TMC3: variants seen among roughly 807,000 people sequenced by gnomAD.
The protein encoded by TMC3 is transmembrane channel like 3.
A neutral mutation model predicts 110.6 loss-of-function variants in TMC3; 98 were observed. That is an observed-to-expected ratio of 0.89 (90% confidence interval 0.75 to 1.05). The LOEUF is 1.05. TMC3 is among the 50% of genes least tolerant of loss of function. TMC3 has a pLI of 0.00. For missense variants in TMC3, 1,319 were observed against 1,373.2 expected, an observed-to-expected ratio of 0.96 and a Z score of 0.62; for synonymous variants, 489 against 513.1, an observed-to-expected ratio of 0.95 and a Z score of 0.63.
At chr15:81,342,792 G>C (rs1231081836) in intron 15 of TMC3, 1 of 152,954 alleles carries the variant, frequency 6.5e-6, no homozygotes, top group Non-Finnish European at 1.5e-5. Flanking sequence ...GAGGCGCCAT[G>C]GGTGAACAGA....
intron 16 of TMC3, among the ~76,000 whole-genome samples, chr15:81,339,829 G>A (rs1217138805): frequency 6.6e-6 from 1 of 152,208 alleles, no homozygotes; most frequent in Non-Finnish European, 1.5e-5. Flanking sequence ...CTCAATTTAT[G>A]GAAAAATCTT....
chr15:81,373,777 G>A (rs62035337), intron 1 of TMC3, among the ~76,000 whole-genome samples: 88,955 of 152,012 alleles, frequency 0.59, 27,627 homozygotes, highest in Non-Finnish European at 0.71. Context: ...CTGACCTCCT[G>A]GTCAAGAAGC....
chr15:81,361,916 T>C (rs764222589), intron 4 of TMC3: 9 of 193,402 alleles, frequency 4.7e-5, no homozygotes, highest in East Asian at 1.3e-4. Context: ...TTCATCCTCA[T>C]AGGTTTTCAC....
intron 3 of TMC3, among the ~76,000 whole-genome samples, chr15:81,365,818 C>T (rs1243354870): frequency 6.6e-6 from 1 of 152,104 alleles, no homozygotes; most frequent in Non-Finnish European, 1.5e-5. Context: ...GAAAGACTTA[C>T]ATGTCCACGC....
intron 7 of TMC3, among the ~76,000 whole-genome samples, 155 bp from the exon 8 acceptor site, chr15:81,356,749 G>T (rs1379298424): frequency 1.3e-5 from 2 of 152,186 alleles, no homozygotes; most frequent in African/African-American, 4.8e-5. Flanking sequence ...GCACCGACTG[G>T]ATTTCTGCCC....
Position 81,358,461 on chromosome 15 carries a change from T to G in TMC3, c.541A>C (p.Thr181Pro), listed in dbSNP as rs1337831461. 6.2e-7 allele frequency: 1 copy of G among 1,613,510 alleles called. No homozygotes were observed. Residue 181 changes from threonine (T) to proline (P), a missense_variant, in exon 6 of 22, where the codon ACC becomes CCC. Thr to Pro is a conservative substitution (Grantham distance 38). Transcript: ENST00000359440. ...GACGAAACCTGCTCCTTGGGGATGG[T>G]CTTCCTGGCTGTGCTTCCAAAGGGC... ...GQPFGSTARK[T>P]IPKEQVSSAQ...
chr15:81,338,594 G>A (rs1893645885), intron 18 of TMC3, 61 bp downstream of exon 18: 1 of 1,584,282 alleles, frequency 6.3e-7, no homozygotes, highest in Admixed American at 1.9e-5. Context: ...TTGGAAAGCA[G>A]CGTTTTCTTG....
intron 3 of TMC3, among the ~76,000 whole-genome samples, chr15:81,363,677 A>G (rs931825933): frequency 1.3e-5 from 2 of 152,222 alleles, no homozygotes; most frequent in Admixed American, 6.5e-5. Context: ...GTAGCCAGAA[A>G]AGAAATTCTC....
intron 18 of TMC3, 79 bp downstream of exon 18, chr15:81,338,576 T>C: frequency 6.4e-7 from 1 of 1,564,436 alleles, no homozygotes; most frequent in South Asian, 1.2e-5. Context: ...ATAAATTTTA[T>C]GTAATTATTG....
chr15:81,353,781 G>T (rs1894001937), intron 9 of TMC3, among the ~76,000 whole-genome samples: 1 of 152,228 alleles, frequency 6.6e-6, no homozygotes, highest in African/African-American at 2.4e-5. Context: ...TGCAACATCT[G>T]ACTATTCCTT....
intron 3 of TMC3, among the ~76,000 whole-genome samples, chr15:81,366,352 AC>A (rs1249816593): frequency 1.3e-5 from 2 of 152,222 alleles, no homozygotes; most frequent in African/African-American, 2.4e-5. Flanking sequence ...AAAGGGGAGA[AC>A]AGCCAGTACA....
chr15:81,371,449 G>C (rs964594645), intron 2 of TMC3, among the ~76,000 whole-genome samples: 1 of 152,146 alleles, frequency 6.6e-6, no homozygotes, highest in Admixed American at 6.5e-5. Flanking sequence ...ATCTAGAAAA[G>C]GGCAGTGAAG....
chr15:81,338,669 T>G lies in TMC3; in HGVS notation c.2067A>C (p.Ala689=). Residue 689 remains alanine (A), a synonymous_variant, in exon 18 of 22, where the codon GCA becomes GCC. Coordinates refer to ENST00000359440, the MANE Select transcript of TMC3 (RefSeq NM_001080532.3). ...GTGGTACTCACAAAAGCAGGAGTAC[T>G]GCGGGCAGGATGACCACGGGGCTAC... ...HISSPVVILP[A]VLLLFMLIYY... is the part of the protein sequence containing the mutation. 1 of 1,613,980 alleles carries G rather than the reference T, an allele frequency of 6.2e-7. No individual in the cohort carries two copies.
chr15:81,369,787 G>A (rs918607481), intron 2 of TMC3, among the ~76,000 whole-genome samples: 2 of 152,110 alleles, frequency 1.3e-5, no homozygotes, highest in African/African-American at 4.8e-5. Flanking sequence ...TTAGCTGGAT[G>A]TGGTGGCACA....
chr15:81,367,477 T>C (rs959253548), intron 3 of TMC3, among the ~76,000 whole-genome samples: 2 of 152,194 alleles, frequency 1.3e-5, no homozygotes, highest in African/African-American at 4.8e-5. Context: ...ATTTATGAAA[T>C]GACTTTATAA....
At chr15:81,365,372 C>G (rs1377300487) in intron 3 of TMC3, among the ~76,000 whole-genome samples, 1 of 152,212 alleles carries the variant, frequency 6.6e-6, no homozygotes, top group Non-Finnish European at 1.5e-5. Context: ...AAAGTATGCT[C>G]TTAAGAAACA....
intron 10 of TMC3, among the ~76,000 whole-genome samples, chr15:81,350,401 G>A (rs563645701): frequency 6.6e-6 from 1 of 151,248 alleles, no homozygotes; most frequent in African/African-American, 2.5e-5. Context: ...GTACATGGAA[G>A]ATTAATTATC....
At chr15:81,369,210 A>G (rs1186961458) in intron 2 of TMC3, among the ~76,000 whole-genome samples, 3 of 152,244 alleles carry the variant, frequency 2.0e-5, no homozygotes, top group Admixed American at 6.5e-5. Flanking sequence ...GCAACCCCCA[A>G]TAACACCCAC....
chr15:81,338,947 C>A (rs1893654774), intron 17 of TMC3, among the ~76,000 whole-genome samples, 167 bp from the exon 18 acceptor site: 1 of 152,086 alleles, frequency 6.6e-6, no homozygotes, highest in South Asian at 2.1e-4. Context: ...AATCACATTG[C>A]ATGTATGTGT....
Sources: allele counts gnomAD v4.1 joint callset (sites outside exome capture counted in the v4.1 genomes callset), GRCh38; gene constraint gnomAD v4.1.1; transcripts MANE v1.5; gene names NCBI Gene and HGNC (gene_info 2026-07-23, HGNC 2026-07-21).